Variants in WDFY4 observed in about 807,000 individuals in gnomAD.
The protein encoded by WDFY4 is WD repeat- and FYVE domain-containing protein 4.
A neutral mutation model predicts 351.9 loss-of-function variants in WDFY4; 169 were observed. That is an observed-to-expected ratio of 0.48 (90% CI 0.42 to 0.55). The LOEUF (loss-of-function observed/expected upper bound fraction) is 0.55. WDFY4 is among the 20% of genes least tolerant of loss of function. WDFY4 has a pLI of 0.00. For synonymous variants in WDFY4, 1,622 were observed against 1,574.6 expected (o/e 1.03, Z -0.71); for missense variants, 3,803 against 3,935.6 (o/e 0.97, Z 0.90).
At chr10:48,709,013 C>G (rs933153817) in intron 1 of WDFY4, among the ~76,000 whole-genome samples, 1 of 151,774 alleles carries the variant, frequency 6.6e-6, no homozygotes, top group Non-Finnish European at 1.5e-5. Context: ...CAACACCCCC[C>G]CCCCCCAAAC....
At chr10:48,892,371 G>C (rs996834297) in intron 44 of WDFY4, among the ~76,000 whole-genome samples, 12 of 152,214 alleles carry the variant, frequency 7.9e-5, no homozygotes, top group African/African-American at 2.9e-4. Flanking sequence ...TGCAATGACA[G>C]ACAAGGGAGA....
chr10:48,810,748 C>A lies in WDFY4; in HGVS notation c.5044+13C>A. The A allele has an allele frequency of 6.6e-7, 1 of 1,508,996 alleles. No individual in the cohort carries two copies. The highest frequency in any genetic ancestry group is 8.9e-7 in the Non-Finnish European group (1 of 1,125,734). 93.5% of individuals were successfully genotyped at this position (1,508,996 alleles called of 1,614,324 possible). ...GATATTGTAATGGGTGAGCACGTGG[C>A]TGTCTCCAGGGAGTGGGGCACCACC... On this transcript the variant is annotated intron_variant, in intron 29 of 61. Transcript: ENST00000325239.
chr10:48,911,395 C>T (rs1471224678), intron 47 of WDFY4, among the ~76,000 whole-genome samples: 1 of 152,038 alleles, frequency 6.6e-6, no homozygotes, highest in Admixed American at 6.5e-5. Flanking sequence ...TAAAAGACAC[C>T]CTTTAACACA....
intron 24 of WDFY4, among the ~76,000 whole-genome samples, chr10:48,803,085 T>C (rs2067138596): frequency 6.6e-6 from 1 of 152,196 alleles, no homozygotes; most frequent in Non-Finnish European, 1.5e-5. Flanking sequence ...GCAGCAGAGA[T>C]GGCGAGAGAA....
intron 29 of WDFY4, 86 bp from the exon 30 acceptor site, chr10:48,811,453 C>A: frequency 8.2e-7 from 1 of 1,214,994 alleles, no homozygotes; most frequent in Non-Finnish European, 1.1e-6. Flanking sequence ...GGGTGGGTGG[C>A]CGGGTGTTCC....
chr10:48,892,125 C>G (rs954777707), intron 44 of WDFY4, among the ~76,000 whole-genome samples: 1 of 152,208 alleles, frequency 6.6e-6, no homozygotes, highest in East Asian at 1.9e-4. Flanking sequence ...GGCCTGCAGC[C>G]GTGCCTCTCT....
chr10:48,886,726 A>G (rs1172633609), intron 43 of WDFY4, among the ~76,000 whole-genome samples: 1 of 152,226 alleles, frequency 6.6e-6, no homozygotes, highest in African/African-American at 2.4e-5. Context: ...ATGGACTAAG[A>G]CACCTTCTAA....
At chr10:48,919,131 G>T (rs1838819711) in intron 47 of WDFY4, among the ~76,000 whole-genome samples, 1 of 151,838 alleles carries the variant, frequency 6.6e-6, no homozygotes, top group African/African-American at 2.4e-5. Flanking sequence ...AGTACAAGCT[G>T]GTTCTTTGAA....
intron 25 of WDFY4, among the ~76,000 whole-genome samples, chr10:48,804,489 C>T (rs1264824584): frequency 6.7e-6 from 1 of 149,154 alleles, no homozygotes; most frequent in East Asian, 2.0e-4. Flanking sequence ...AAATCATACA[C>T]AGAATTGGGC....
chr10:48,745,160 T>G (rs1257799249), intron 12 of WDFY4, among the ~76,000 whole-genome samples: 1 of 152,248 alleles, frequency 6.6e-6, no homozygotes, highest in Non-Finnish European at 1.5e-5. Flanking sequence ...TATGAAATAT[T>G]TTTCTAATTT....
chr10:48,848,311 A>T (rs894711468), intron 39 of WDFY4, among the ~76,000 whole-genome samples: 1 of 152,224 alleles, frequency 6.6e-6, no homozygotes, highest in Non-Finnish European at 1.5e-5. Flanking sequence ...CTATCACTCA[A>T]CTAAAACCAG....
intron 3 of WDFY4, among the ~76,000 whole-genome samples, 167 bp downstream of exon 3, chr10:48,720,292 A>T (rs1258252628): frequency 1.3e-5 from 2 of 152,218 alleles, no homozygotes; most frequent in Non-Finnish European, 2.9e-5. Context: ...ACCAAGGGAA[A>T]TGCAGGAGGA....
chr10:48,975,076 C>T (rs1842507944), intron 58 of WDFY4, 35 bp downstream of exon 58: 7 of 1,551,578 alleles, frequency 4.5e-6, no homozygotes, highest in South Asian at 1.2e-5. Flanking sequence ...CGTGTCCTCA[C>T]CTTCGCAGTA....
At chr10:48,884,898 GCT>G (rs1262374745) in intron 43 of WDFY4, among the ~76,000 whole-genome samples, 1 of 152,052 alleles carries the variant, frequency 6.6e-6, no homozygotes, top group African/African-American at 2.4e-5. Flanking sequence ...CTGATATCCT[GCT>G]CTCTTTCTTT....
chr10:48,910,986 G>C (rs11595341), intron 47 of WDFY4: 257,961 of 822,300 alleles, frequency 0.31, 43,251 homozygotes, highest in East Asian at 0.73. Flanking sequence ...TGTCTGAAGG[G>C]GGAGAAATTG....
At chr10:48,977,745 A>G (rs1370083272) in intron 59 of WDFY4, among the ~76,000 whole-genome samples, 1 of 152,198 alleles carries the variant, frequency 6.6e-6, no homozygotes, top group Non-Finnish European at 1.5e-5. Context: ...GAGCTCCTGG[A>G]CTGGCCCAGT....
chr10:48,929,692 C>A (rs1200897212), intron 47 of WDFY4, among the ~76,000 whole-genome samples: 1 of 152,220 alleles, frequency 6.6e-6, no homozygotes, highest in Non-Finnish European at 1.5e-5. Context: ...CTCACTTAGC[C>A]TACTGCCTAC....
At chr10:48,943,073 C>G (rs562183907) in intron 48 of WDFY4, among the ~76,000 whole-genome samples, 24 of 152,190 alleles carry the variant, frequency 1.6e-4, no homozygotes, top group African/African-American at 5.3e-4. Flanking sequence ...CATGTTTTAT[C>G]CTTGGTGTTG....
chr10:48,787,949 T>G (rs1427299921), intron 20 of WDFY4, among the ~76,000 whole-genome samples: 1 of 110,484 alleles, frequency 9.1e-6, no homozygotes, highest in East Asian at 2.6e-4. Flanking sequence ...CTTCTTCTTC[T>G]TCTTCTTCTT....
Sources: gnomAD v4.1 joint callset for allele counts (sites outside exome capture counted in the v4.1 genomes callset) on GRCh38, gnomAD v4.1.1 for gene constraint, MANE v1.5 for transcripts, NCBI Gene and HGNC (gene_info 2026-07-23, HGNC 2026-07-21) for gene names.